Variants in FAM240C observed in about 807,000 individuals in gnomAD.
The protein encoded by FAM240C is family with sequence similarity 240 member C, also known as protein FAM240C.
Under a neutral mutation model 10.0 loss-of-function variants are expected in FAM240C, and 14 were observed. The ratio of observed to expected loss-of-function variants is 1.40; its 90% CI spans 0.92 to 2.19. The LOEUF is 2.19. Ranked by LOEUF, FAM240C falls within the 30% of genes most tolerant of loss-of-function variation. FAM240C has a pLI of 0.00. For missense variants in FAM240C, 154 were observed against 122.3 expected (o/e 1.26, Z -1.22); for synonymous variants, 49 against 44.3 (o/e 1.11, Z -0.42).
chr2:241,898,390 A>G (rs986560765), intron 1 of FAM240C, among the ~76,000 whole-genome samples: 6 of 152,144 alleles, frequency 3.9e-5, no homozygotes, highest in Non-Finnish European at 8.8e-5. Context: ...TGTCTCTACT[A>G]AAAATACAAA....
Position 241,900,043 on chromosome 2 carries a change from G to A in FAM240C, c.12+315C>T, listed in dbSNP as rs532108426. Among the ~76,000 whole-genome samples, 3 of 152,228 alleles carry A rather than the reference G, an allele frequency of 2.0e-5. No individual in the cohort carries two copies. In the East Asian group the frequency reaches 5.8e-4, roughly 29 times the overall value. On this transcript the variant is annotated intron_variant, in intron 1 of 2. Coordinates refer to ENST00000404031, the MANE Select transcript of FAM240C (RefSeq NM_001382368.1). This position sits in a 1 kb window ranked among gnomAD's most constrained non-coding sequence, Gnocchi z 4.5. The stretch of plus-strand genomic sequence containing the variant: ...GATCATGCCACTGCACTCCAGCCTG[G>A]GCGACAGAGCGAGACTCCATCTCAT...
upstream of FAM240C, among the ~76,000 whole-genome samples, chr2:241,901,060 A>G (rs994160559): frequency 2.0e-5 from 3 of 152,130 alleles, no homozygotes; most frequent in African/African-American, 7.2e-5. The surrounding 1 kb of genome is among the most constrained non-coding windows in gnomAD (Gnocchi z 4.9). Context: ...GCAGGAAGGA[A>G]GGCAGGCGAG....
chr2:241,897,234 C>G lies in FAM240C; in HGVS notation c.113G>C (p.Arg38Thr). The change falls in exon 2 of 3, where the codon AGA (arginine) becomes ACA (threonine). Residue 38 changes from arginine to threonine, a missense_variant. Arg to Thr is a moderately conservative substitution (Grantham distance 71). Coordinates refer to ENST00000404031, the MANE Select transcript of FAM240C (RefSeq NM_001382368.1). ...CCTGATGTCCTCGTTCTGCAGGTGT[C>G]TTGCGTGATGCTCGATTTTTTTCTC... ...FWEKKIEHHA[R>T]HLQNEDIRVR... is the part of the protein sequence containing the mutation. 1.9e-6 allele frequency: 3 copies of G among 1,550,002 alleles called. No individual in the cohort carries two copies. The highest frequency in any genetic ancestry group is 2.6e-6 in the Non-Finnish European group (3 of 1,146,556).
Position 241,894,278 on chromosome 2 carries a change from T to C in FAM240C, c.223A>G (p.Arg75Gly). The C allele has an allele frequency of 6.5e-7, 1 of 1,549,908 alleles. No homozygotes were observed. Among genetic ancestry groups the C allele is most frequent in the Non-Finnish European group, 8.7e-7 (1 of 1,146,794 alleles). ...GCCTCCGGGACCCTGTCTGGGCATCTCCCTGGGCCCTGCAGCATCTTGTTC... is the reference window on the plus strand; with the variant it reads ...GCCTCCGGGACCCTGTCTGGGCATCCCCCTGGGCCCTGCAGCATCTTGTTC... ...GRNKMLQGPGRCPDRVPEATE... is the reference protein window; with the variant it reads ...GRNKMLQGPGGCPDRVPEATE... The change falls in exon 3 of 3, where the codon AGA (arginine) becomes GGA (glycine). Residue 75 changes from arginine to glycine, a missense_variant. Transcript: ENST00000404031.
At chr2:241,895,332 C>T (rs754011018) in intron 2 of FAM240C, among the ~76,000 whole-genome samples, 8 of 152,246 alleles carry the variant, frequency 5.3e-5, no homozygotes, top group South Asian at 4.1e-4. Flanking sequence ...CTGGAGTCCT[C>T]GGCCCTCACA....
Sources: allele counts gnomAD v4.1 joint callset (sites outside exome capture counted in the v4.1 genomes callset), GRCh38; gene constraint gnomAD v4.1.1; non-coding constraint Gnocchi (gnomAD v3.1); transcripts MANE v1.5; gene names NCBI Gene and HGNC (gene_info 2026-07-23, HGNC 2026-07-21).